Variants in PTGER3 observed in about 807,000 individuals in gnomAD.
PTGER3 encodes the protein prostaglandin E2 receptor EP3 subtype.
Under a neutral mutation model 34.7 loss-of-function variants are expected in PTGER3, and 22 were observed. The ratio of observed to expected loss-of-function variants is 0.63; its 90% CI spans 0.45 to 0.91. The LOEUF (loss-of-function observed/expected upper bound fraction) is 0.91, where lower values mean the gene tolerates loss of function less well. PTGER3 is among the 40% of genes least tolerant of loss of function. PTGER3 has a pLI of 0.00. For missense variants in PTGER3, 468 were observed against 519.4 expected (o/e 0.90, Z 0.96); for synonymous variants, 241 against 230.1 (o/e 1.05, Z -0.43).
chr1:71,025,131 C>CCCTTCCTT (rs3044608), intron 1 of PTGER3, among the ~76,000 whole-genome samples: 63,406 of 124,118 alleles, frequency 0.51, 16,832 homozygotes, highest in Non-Finnish European at 0.59. Flanking sequence ...AGATTCCAGG[C>CCCTTCCTT]CCTTCCTTCC....
intron 1 of PTGER3, among the ~76,000 whole-genome samples, chr1:71,019,167 G>A (rs1427139114): frequency 6.6e-6 from 1 of 152,184 alleles, no homozygotes; most frequent in Admixed American, 6.5e-5. Flanking sequence ...CCTTAGGCAT[G>A]AATATGGTAG....
chr1:70,854,012 ATAAAACTATAAGAAGAACACAGG>A, intron 4 of PTGER3, among the ~76,000 whole-genome samples: 1 of 152,376 alleles, frequency 6.6e-6, no homozygotes, highest in Middle Eastern at 3.4e-3. Context: ...ACCTTAAAAT[ATAAAACTATAAGAAGAACACAGG>A]AGAAAAATTT....
At chr1:70,931,489 T>C (rs1336519764) in intron 4 of PTGER3, among the ~76,000 whole-genome samples, 1 of 152,202 alleles carries the variant, frequency 6.6e-6, no homozygotes, top group Non-Finnish European at 1.5e-5. Flanking sequence ...TCCATGAGGG[T>C]CCTGCCCCTG....
intron 2 of PTGER3, among the ~76,000 whole-genome samples, chr1:70,996,743 A>G (rs1398141453): frequency 1.3e-5 from 2 of 150,946 alleles, no homozygotes; most frequent in East Asian, 2.0e-4. Context: ...GGCTCACTGC[A>G]AGCTCCGCCT....
At chr1:70,957,481 T>A (rs575645895) in intron 2 of PTGER3, among the ~76,000 whole-genome samples, 42 of 152,314 alleles carry the variant, frequency 2.8e-4, no homozygotes, top group African/African-American at 9.9e-4. Flanking sequence ...TACTATTTAT[T>A]TTTTTGCAGG....
intron 4 of PTGER3, among the ~76,000 whole-genome samples, chr1:70,878,599 A>G (rs1445807224): frequency 6.6e-6 from 1 of 152,074 alleles, no homozygotes; most frequent in Non-Finnish European, 1.5e-5. Context: ...TTTTTATATG[A>G]GCGTTTAATG....
At chr1:70,999,129 G>A (rs1656250772) in intron 2 of PTGER3, among the ~76,000 whole-genome samples, 1 of 152,124 alleles carries the variant, frequency 6.6e-6, no homozygotes, top group Non-Finnish European at 1.5e-5. Context: ...GAGAACTGTT[G>A]ACTATTGTCA....
At chr1:70,910,370 A>G (rs1247858227) in intron 4 of PTGER3, among the ~76,000 whole-genome samples, 2 of 152,174 alleles carry the variant, frequency 1.3e-5, no homozygotes, top group Admixed American at 1.3e-4. Flanking sequence ...AGGTTGGTGA[A>G]CCATGGCTGA....
chr1:70,857,693 C>A (rs919293478), intron 4 of PTGER3, among the ~76,000 whole-genome samples: 1 of 152,028 alleles, frequency 6.6e-6, no homozygotes, highest in South Asian at 2.1e-4. Flanking sequence ...CGCCACCACG[C>A]CCGGCTAATT....
chr1:71,000,099 G>A (rs1656341397), intron 2 of PTGER3, among the ~76,000 whole-genome samples: 1 of 152,200 alleles, frequency 6.6e-6, no homozygotes, highest in Non-Finnish European at 1.5e-5. Flanking sequence ...TGATAATAGA[G>A]TCAAAGCCTT....
chr1:70,996,702 C>T (rs1402147184), intron 2 of PTGER3, among the ~76,000 whole-genome samples: 6 of 140,264 alleles, frequency 4.3e-5, no homozygotes, highest in Admixed American at 2.8e-4. Flanking sequence ...CTCGCTCTGT[C>T]GCGCAGGCTG....
intron 4 of PTGER3, among the ~76,000 whole-genome samples, chr1:70,859,152 T>G (rs1254006176): frequency 6.6e-6 from 1 of 152,226 alleles, no homozygotes; most frequent in Non-Finnish European, 1.5e-5. Context: ...GTGCCCACTG[T>G]GAGATGCTCC....
At chr1:70,893,263 G>A (rs1372994534) in intron 4 of PTGER3, among the ~76,000 whole-genome samples, 1 of 152,192 alleles carries the variant, frequency 6.6e-6, no homozygotes, top group African/African-American at 2.4e-5. Context: ...TGGTACAGAT[G>A]AGAAGCTGAT....
chr1:70,951,780 T>C (rs1650780769), downstream of PTGER3, among the ~76,000 whole-genome samples: 1 of 152,168 alleles, frequency 6.6e-6, no homozygotes, highest in South Asian at 2.1e-4. Flanking sequence ...AGCCTGTCTC[T>C]GCCCTTGGGA....
At chr1:71,032,160 T>A (rs934238335) in intron 1 of PTGER3, among the ~76,000 whole-genome samples, 1 of 152,182 alleles carries the variant, frequency 6.6e-6, no homozygotes, top group Non-Finnish European at 1.5e-5. Flanking sequence ...AGAAAGAACT[T>A]CTTTTTTCTT....
At chr1:70,893,451 G>T (rs531219347) in intron 4 of PTGER3, among the ~76,000 whole-genome samples, 3 of 152,278 alleles carry the variant, frequency 2.0e-5, no homozygotes, top group Non-Finnish European at 2.9e-5. Context: ...TGGTAGTAGG[G>T]TCTTTTTTCT....
intron 1 of PTGER3, among the ~76,000 whole-genome samples, chr1:71,025,655 T>C (rs966424976): frequency 1.3e-5 from 2 of 152,192 alleles, no homozygotes; most frequent in Non-Finnish European, 2.9e-5. Flanking sequence ...CAGCAACTAA[T>C]GCTTATATAA....
intron 2 of PTGER3, among the ~76,000 whole-genome samples, chr1:71,003,776 T>A (rs1306696444): frequency 6.6e-6 from 1 of 152,206 alleles, no homozygotes; most frequent in Non-Finnish European, 1.5e-5. Context: ...TTAGTTCCAG[T>A]TTTAGGTTTG....
intron 2 of PTGER3, among the ~76,000 whole-genome samples, chr1:71,000,071 T>C (rs1656337743): frequency 6.6e-6 from 1 of 152,224 alleles, no homozygotes; most frequent in Non-Finnish European, 1.5e-5. Flanking sequence ...TTCTGGTGGT[T>C]TGAAAATGTC....
Sources: allele counts gnomAD v4.1 joint callset (sites outside exome capture counted in the v4.1 genomes callset), GRCh38; gene constraint gnomAD v4.1.1; transcripts MANE v1.5; gene names NCBI Gene and HGNC (gene_info 2026-07-23, HGNC 2026-07-21).